LRP2: variants seen among roughly 807,000 people sequenced by gnomAD.
The protein encoded by LRP2 is low-density lipoprotein receptor-related protein 2.
A neutral mutation model predicts 531.0 loss-of-function variants in LRP2; 172 were observed. The observed-to-expected ratio is 0.32, with a 90% CI of 0.29 to 0.37. The LOEUF is 0.37. Among genes scored for constraint, LRP2 ranks in the 10% least tolerant of loss-of-function variants. The probability of loss-of-function intolerance (pLI) is 1.00; values close to 1 mark genes in which losing one functional copy is unlikely to be tolerated. For missense variants in LRP2, 5,167 were observed against 5,868.3 expected (o/e 0.88, Z 3.90); for synonymous variants, 1,992 against 2,027.6 (o/e 0.98, Z 0.47).
In LRP2 at chr2:169,128,998, A is replaced by C; in HGVS notation, c.13800+15T>G. Reference sequence around the variant, plus strand: ...AGAAAAAATGTCTGTGCTAAGAAAAATTGTTAAAAATTACCTGTGCATAGA... The same window carrying C: ...AGAAAAAATGTCTGTGCTAAGAAAACTTGTTAAAAATTACCTGTGCATAGA... On this transcript the variant is annotated intron_variant, in intron 78 of 78. Transcript: ENST00000649046. 6.3e-7 allele frequency: 1 copy of C among 1,597,740 alleles called. No homozygotes were observed. Among genetic ancestry groups the C allele is most frequent in the Non-Finnish European group, 8.6e-7 (1 of 1,165,086 alleles).
Position 169,174,215 on chromosome 2 carries a change from G to A in LRP2, c.10769-51C>T, listed in dbSNP as rs193258071. 3 of 1,611,706 alleles carry A rather than the reference G, an allele frequency of 1.9e-6. No individual in the cohort carries two copies. In the African/African-American group the frequency reaches 4.0e-5, roughly 22 times the overall value. On this transcript the variant is annotated intron_variant, in intron 55 of 78. Coordinates refer to ENST00000649046, the MANE Select transcript of LRP2 (RefSeq NM_004525.3). ...AGCTTGGAAGGCATCAAGAATGAAA[G>A]CTCCTAATTGACATCAGTGAATCCT...
At chr2:169,167,695 GCACTGA>G (rs1686834066) in intron 61 of LRP2, among the ~76,000 whole-genome samples, 1 of 151,948 alleles carries the variant, frequency 6.6e-6, no homozygotes, top group Non-Finnish European at 1.5e-5. Context: ...TTCCCAAGTG[GCACTGA>G]CATTCCTAGT....
chr2:169,216,841 T>G (rs1688815613), intron 34 of LRP2, among the ~76,000 whole-genome samples: 1 of 152,128 alleles, frequency 6.6e-6, no homozygotes. Context: ...CAGGCCTCAT[T>G]TAATTATTCC....
At chr2:169,327,519 C>T (rs1436769701) in intron 1 of LRP2, among the ~76,000 whole-genome samples, 1 of 127,336 alleles carries the variant, frequency 7.9e-6, no homozygotes, top group Non-Finnish European at 1.7e-5. Context: ...CCAGCCGCCC[C>T]GTCCGGGAGG....
intron 1 of LRP2, among the ~76,000 whole-genome samples, chr2:169,326,155 T>C (rs183697515): frequency 6.6e-4 from 41 of 62,426 alleles, no homozygotes; most frequent in East Asian, 3.3e-3. Context: ...CCTCTCCCTC[T>C]CCCTCTCCCT....
chr2:169,238,083 G>A lies in LRP2; in HGVS notation c.4506+8C>T. The A allele has an allele frequency of 6.2e-7, 1 of 1,613,118 alleles. No individual in the cohort carries two copies. ...AGCCAGGCCAAAGGTCAACAGAAATGTACTTACCACTCTTCTGTCCGTTCC... is the reference window on the plus strand; with the variant it reads ...AGCCAGGCCAAAGGTCAACAGAAATATACTTACCACTCTTCTGTCCGTTCC... On this transcript the variant is annotated splice_region_variant and intron_variant, in intron 27 of 78. Coordinates refer to ENST00000649046, the MANE Select transcript of LRP2 (RefSeq NM_004525.3).
intron 20 of LRP2, 81 bp downstream of exon 20, chr2:169,247,297 T>C (rs992720166): frequency 7.0e-7 from 1 of 1,434,010 alleles, no homozygotes; most frequent in African/African-American, 1.4e-5. Flanking sequence ...AAGTAATAAG[T>C]ACTTAAAGAG....
intron 68 of LRP2, among the ~76,000 whole-genome samples, 180 bp downstream of exon 68, chr2:169,150,718 G>T (rs1317981831): frequency 6.6e-6 from 1 of 152,116 alleles, no homozygotes; most frequent in Non-Finnish European, 1.5e-5. Flanking sequence ...CATCAGAAAT[G>T]GTTGGTTCTA....
chr2:169,216,888 T>A (rs919577282), intron 34 of LRP2, among the ~76,000 whole-genome samples: 12 of 152,178 alleles, frequency 7.9e-5, no homozygotes, highest in Non-Finnish European at 1.8e-4. Context: ...GCTACTTAAT[T>A]ACCTAACCTG....
At chr2:169,322,570 C>T (rs1684936968) in intron 1 of LRP2, among the ~76,000 whole-genome samples, 1 of 152,188 alleles carries the variant, frequency 6.6e-6, no homozygotes, top group Non-Finnish European at 1.5e-5. Flanking sequence ...ACTCTGGAAT[C>T]CCAGAACTTC....
In LRP2 at chr2:169,242,829, C is replaced by T. The variant is rs1023149925; in HGVS notation, c.3667+127G>A. The T allele has an allele frequency of 5.1e-6, 4 of 786,916 alleles. No individual in the cohort carries two copies. The African/African-American group carries it at 6.8e-5, about 13-fold the overall frequency. The allele number at this position is 786,916 out of a possible 1,614,324, so 48.7% of individuals were successfully genotyped here. A position where few individuals can be genotyped will look rare whatever the true frequency, so the allele number is the denominator to read the frequency against. ...CAATTTTACTGTATGTTCAATACCA[C>T]ATTCCTTTGAGGATACTTTCCCCCA... On this transcript the variant is annotated intron_variant, in intron 24 of 78. Transcript: ENST00000649046.
At chr2:169,170,752 GTGCCC>G in intron 58 of LRP2, 85 bp from the exon 59 acceptor site, 1 of 948,884 alleles carries the variant, frequency 1.1e-6, no homozygotes, top group Non-Finnish European at 1.7e-6. Flanking sequence ...AGTGCCCTGG[GTGCCC>G]AGCACCCTCC....
At chr2:169,304,906 C>A (rs1190895589) in intron 4 of LRP2, among the ~76,000 whole-genome samples, 1 of 152,072 alleles carries the variant, frequency 6.6e-6, no homozygotes, top group Non-Finnish European at 1.5e-5. Context: ...AAGTTCATGT[C>A]TTTTACAAGG....
intron 21 of LRP2, among the ~76,000 whole-genome samples, chr2:169,245,350 G>C (rs933913820): frequency 5.9e-5 from 9 of 152,094 alleles, no homozygotes; most frequent in African/African-American, 2.2e-4. Context: ...TTCAAATTCA[G>C]ACTATAGAAA....
At chr2:169,210,005 T>G (rs1357670922) in intron 37 of LRP2, among the ~76,000 whole-genome samples, 1 of 151,918 alleles carries the variant, frequency 6.6e-6, no homozygotes, top group East Asian at 1.9e-4. Context: ...AAAAGAAGGA[T>G]TACAGTAATT....
chr2:169,326,053 A>T (rs1312867473), intron 1 of LRP2, among the ~76,000 whole-genome samples: 1 of 151,938 alleles, frequency 6.6e-6, no homozygotes, highest in African/African-American at 2.4e-5. Flanking sequence ...GCCACAAATA[A>T]ATTCATAACT....
At chr2:169,341,820 G>GACTA (rs1051864402) in intron 1 of LRP2, among the ~76,000 whole-genome samples, 2 of 152,152 alleles carry the variant, frequency 1.3e-5, no homozygotes, top group Non-Finnish European at 2.9e-5. Context: ...TAGCTATGGT[G>GACTA]ACTATATATC....
rs200089366 is a variant in LRP2, at chr2:169,246,871, G to C, written c.3024C>G (p.Ser1008=). ...GGTCCCCCTCGCATGTCAAGTGATT[G>C]GAAGCCAGCCTCATTCCATAAGGGC... ...CGCPYGMRLA[S]NHLTCEGDPT... is the part of the protein sequence containing the mutation. Residue 1008 remains serine, a synonymous_variant, in exon 21 of 79, where the codon TCC becomes TCG. Transcript: ENST00000649046. The C allele has an allele frequency of 6.2e-7, 1 of 1,614,188 alleles. No individual in the cohort carries two copies. Among genetic ancestry groups the C allele is most frequent in the East Asian group, 2.2e-5 (1 of 44,878 alleles).
chr2:169,313,734 C>T (rs1467646271), intron 3 of LRP2, among the ~76,000 whole-genome samples: 1 of 152,132 alleles, frequency 6.6e-6, no homozygotes, highest in Non-Finnish European at 1.5e-5. Flanking sequence ...CTCTTCAAAG[C>T]TCAGTTGGAA....
Sources: allele counts gnomAD v4.1 joint callset (sites outside exome capture counted in the v4.1 genomes callset), GRCh38; gene constraint gnomAD v4.1.1; transcripts MANE v1.5; gene names NCBI Gene and HGNC (gene_info 2026-07-23, HGNC 2026-07-21).